DLG2: variants seen among roughly 807,000 people sequenced by gnomAD.
DLG2 encodes the protein disks large homolog 2.
A neutral mutation model predicts 132.5 loss-of-function variants in DLG2; 45 were observed. That is an observed-to-expected ratio of 0.34 (90% CI 0.27 to 0.44). The LOEUF (loss-of-function observed/expected upper bound fraction) is 0.44. DLG2 is among the 20% of genes least tolerant of loss of function. The probability of loss-of-function intolerance (pLI) is 1.00; values close to 1 mark genes in which losing one functional copy is unlikely to be tolerated. For synonymous variants in DLG2, 424 were observed against 419.6 expected (o/e 1.01, Z -0.13); for missense variants, 1,045 against 1,196.9 (o/e 0.87, Z 1.87).
chr11:83,709,645 T>G (rs2084926104), intron 18 of DLG2, among the ~76,000 whole-genome samples: 1 of 152,158 alleles, frequency 6.6e-6, no homozygotes, highest in Non-Finnish European at 1.5e-5. Context: ...GGTTTTGTTT[T>G]CAACAAAGAA....
chr11:83,572,630 C>G (rs566418628), intron 19 of DLG2, among the ~76,000 whole-genome samples: 17 of 152,270 alleles, frequency 1.1e-4, no homozygotes, highest in Admixed American at 8.5e-4. Flanking sequence ...ATCAGAAGGT[C>G]TATGGAAAAC....
At chr11:85,463,024 G>A (rs973587098) in intron 3 of DLG2, among the ~76,000 whole-genome samples, 1 of 152,172 alleles carries the variant, frequency 6.6e-6, no homozygotes, top group Non-Finnish European at 1.5e-5. Flanking sequence ...CCCAAGGGGA[G>A]ATCCTTCACA....
chr11:84,248,543 T>G (rs1156971895), intron 8 of DLG2, among the ~76,000 whole-genome samples: 1 of 151,832 alleles, frequency 6.6e-6, no homozygotes, highest in East Asian at 1.9e-4. Context: ...AAGCACAAAG[T>G]GGGTTACATT....
intron 7 of DLG2, among the ~76,000 whole-genome samples, chr11:84,304,623 T>G (rs1244505006): frequency 1.3e-5 from 2 of 152,174 alleles, no homozygotes; most frequent in African/African-American, 2.4e-5. Context: ...CAAAAACAGC[T>G]ACAGACAATA....
At chr11:85,486,310 G>A (rs957859051) in intron 3 of DLG2, among the ~76,000 whole-genome samples, 14 of 152,038 alleles carry the variant, frequency 9.2e-5, no homozygotes, top group Admixed American at 3.9e-4. Context: ...TGCCCACAAT[G>A]CTCTAACTGA....
intron 19 of DLG2, among the ~76,000 whole-genome samples, chr11:83,585,068 A>G (rs1472994721): frequency 6.6e-6 from 1 of 152,230 alleles, no homozygotes; most frequent in Non-Finnish European, 1.5e-5. Context: ...TTTGAAGATA[A>G]AATGGTAGCA....
intron 5 of DLG2, among the ~76,000 whole-genome samples, chr11:85,120,481 T>C (rs999926147): frequency 1.1e-4 from 16 of 152,070 alleles, no homozygotes; most frequent in Non-Finnish European, 2.1e-4. Flanking sequence ...TTGCTTAAAA[T>C]GTATACTTTC....
chr11:84,362,587 A>C (rs146310896), intron 7 of DLG2, among the ~76,000 whole-genome samples: 9,032 of 151,716 alleles, frequency 0.06, 917 homozygotes, highest in African/African-American at 0.2. Context: ...TATACATGTG[A>C]CATGCTGGTG....
chr11:85,513,655 A>T (rs1374399326), intron 3 of DLG2, among the ~76,000 whole-genome samples: 1 of 151,866 alleles, frequency 6.6e-6, no homozygotes. Flanking sequence ...AGCTCCTTCC[A>T]TGTCTTAATC....
chr11:84,070,459 T>A (rs1202566699), intron 10 of DLG2, among the ~76,000 whole-genome samples: 1 of 152,226 alleles, frequency 6.6e-6, no homozygotes, highest in East Asian at 1.9e-4. Flanking sequence ...GATTTATTTG[T>A]TACCTGCATA....
At chr11:83,901,383 AT>A (rs2073381513) in intron 15 of DLG2, among the ~76,000 whole-genome samples, 1 of 152,134 alleles carries the variant, frequency 6.6e-6, no homozygotes, top group Non-Finnish European at 1.5e-5. Context: ...GACAAATCTC[AT>A]TTTGTATCTC....
At chr11:85,074,130 AC>A (rs2154168475) in intron 6 of DLG2, among the ~76,000 whole-genome samples, 1 of 151,826 alleles carries the variant, frequency 6.6e-6, no homozygotes, top group African/African-American at 2.4e-5. Context: ...TCAAAAAACT[AC>A]CTATCAGGTG....
At chr11:83,682,059 C>G (rs2078920256) in intron 18 of DLG2, 19 of 870,186 alleles carry the variant, frequency 2.2e-5, no homozygotes, top group Non-Finnish European at 2.6e-5. Flanking sequence ...AGCCCAAACA[C>G]TGACACACAC....
intron 17 of DLG2, among the ~76,000 whole-genome samples, chr11:83,805,565 G>C (rs943916138): frequency 3.3e-5 from 5 of 151,876 alleles, no homozygotes; most frequent in Non-Finnish European, 7.4e-5. Context: ...TCTAATCTCT[G>C]TCTCTCTCCC....
intron 3 of DLG2, among the ~76,000 whole-genome samples, chr11:85,343,812 A>G (rs535488872): frequency 4.6e-5 from 7 of 152,324 alleles, no homozygotes; most frequent in Admixed American, 3.3e-4. Context: ...GTGATTATAC[A>G]GTGTAAATGT....
chr11:85,434,404 T>G (rs1190995488), intron 3 of DLG2, among the ~76,000 whole-genome samples: 1 of 140,462 alleles, frequency 7.1e-6, no homozygotes, highest in Non-Finnish European at 1.6e-5. Context: ...TTGAAAAAAT[T>G]TTAAAAAAAA....
chr11:85,167,240 C>T (rs767615336), intron 4 of DLG2, among the ~76,000 whole-genome samples: 9 of 152,136 alleles, frequency 5.9e-5, no homozygotes, highest in Non-Finnish European at 1.3e-4. Context: ...CAGCCTGAGT[C>T]AGATCCCAGT....
At chr11:84,827,775 T>C (rs2078526949) in intron 6 of DLG2, among the ~76,000 whole-genome samples, 1 of 141,054 alleles carries the variant, frequency 7.1e-6, no homozygotes, top group Non-Finnish European at 1.5e-5. Flanking sequence ...CTGGTGGTCA[T>C]AAAAAAAAAT....
At chr11:84,443,483 A>T (rs1171197903) in intron 7 of DLG2, among the ~76,000 whole-genome samples, 4 of 152,170 alleles carry the variant, frequency 2.6e-5, no homozygotes, top group Non-Finnish European at 4.4e-5. Flanking sequence ...ATTCATTACA[A>T]ATTGTTCTCC....
Sources: allele counts gnomAD v4.1 joint callset (sites outside exome capture counted in the v4.1 genomes callset), GRCh38; gene constraint gnomAD v4.1.1; transcripts MANE v1.5; gene names NCBI Gene and HGNC (gene_info 2026-07-23, HGNC 2026-07-21).